The following ZFAND6 variants were observed in gnomAD, a reference collection of about 807,000 sequenced individuals.
ZFAND6 encodes zinc finger AN1-type containing 6.
Under a neutral mutation model 24.5 loss-of-function variants are expected in ZFAND6, and 12 were observed. The ratio of observed to expected loss-of-function variants is 0.49; its 90% CI spans 0.31 to 0.79. The LOEUF (loss-of-function observed/expected upper bound fraction) is 0.79. ZFAND6 is among the 30% of genes least tolerant of loss of function. The pLI is 0.04. For synonymous variants in ZFAND6, 92 were observed against 81.5 expected, an observed-to-expected ratio of 1.13 and a Z score of -0.69; for missense variants, 207 against 245.9, an observed-to-expected ratio of 0.84 and a Z score of 1.06.
chr15:80,137,745 T>G lies in ZFAND6; in HGVS notation c.*117T>G. Reference sequence around the variant, plus strand: ...TGTATCTTGCATGTCATCGGAAGAATAGATTTTTGTTTTGGTTTTGTTTTG... The same window carrying G: ...TGTATCTTGCATGTCATCGGAAGAAGAGATTTTTGTTTTGGTTTTGTTTTG... On this transcript the variant is annotated 3_prime_UTR_variant, in exon 7 of 7. Coordinates refer to ENST00000261749, the MANE Select transcript of ZFAND6 (RefSeq NM_019006.4). The G allele has an allele frequency of 2.6e-6, 3 of 1,140,928 alleles. No individual in the cohort carries two copies. The highest frequency in any genetic ancestry group is 2.2e-5 in the South Asian group (1 of 46,160). 70.7% of individuals were successfully genotyped at this position (1,140,928 alleles called of 1,614,324 possible).
At chr15:80,114,326 AT>A (rs1264484063) in intron 2 of ZFAND6, among the ~76,000 whole-genome samples, 4 of 152,236 alleles carry the variant, frequency 2.6e-5, no homozygotes, top group African/African-American at 4.8e-5. Flanking sequence ...CTCCAAGCCC[AT>A]TCTGTTTACA....
At chr15:80,088,238 A>G (rs1294608579) in intron 1 of ZFAND6, among the ~76,000 whole-genome samples, 2 of 151,550 alleles carry the variant, frequency 1.3e-5, no homozygotes, top group African/African-American at 4.9e-5. Flanking sequence ...ACCCTCTACC[A>G]TTTTTCTGTG....
chr15:80,092,554 T>C (rs1020179439), intron 1 of ZFAND6, among the ~76,000 whole-genome samples: 1 of 152,138 alleles, frequency 6.6e-6, no homozygotes, highest in Non-Finnish European at 1.5e-5. Flanking sequence ...ACGTTTTAAT[T>C]TATTCAAAGT....
intron 1 of ZFAND6, among the ~76,000 whole-genome samples, chr15:80,079,435 T>C (rs1418812973): frequency 6.6e-6 from 1 of 151,936 alleles, no homozygotes; most frequent in Admixed American, 6.6e-5. Context: ...TTAGCCAGGA[T>C]GGTCTCGATC....
intron 1 of ZFAND6, among the ~76,000 whole-genome samples, chr15:80,093,039 C>T (rs569179955): frequency 2.0e-5 from 3 of 151,678 alleles, no homozygotes; most frequent in African/African-American, 7.3e-5. Context: ...ACTGCAACCT[C>T]TGCCTCCTCG....
At chr15:80,106,398 ACTT>A (rs2039327135) in intron 2 of ZFAND6, among the ~76,000 whole-genome samples, 1 of 152,082 alleles carries the variant, frequency 6.6e-6, no homozygotes, top group Non-Finnish European at 1.5e-5. Flanking sequence ...CTATTCATTT[ACTT>A]ATTGTCTGTG....
chr15:80,072,850 AT>A (rs2037055976), intron 1 of ZFAND6, among the ~76,000 whole-genome samples: 1 of 152,018 alleles, frequency 6.6e-6, no homozygotes, highest in East Asian at 1.9e-4. Flanking sequence ...TCCTATCATT[AT>A]TTTTAGTTCA....
intron 1 of ZFAND6, among the ~76,000 whole-genome samples, chr15:80,071,801 A>G (rs2036994242): frequency 6.6e-6 from 1 of 151,948 alleles, no homozygotes. Context: ...ATACCTGAAC[A>G]TGTCATTAGA....
At chr15:80,114,336 C>CAT (rs2039761656) in intron 2 of ZFAND6, among the ~76,000 whole-genome samples, 1 of 152,210 alleles carries the variant, frequency 6.6e-6, no homozygotes, top group Non-Finnish European at 1.5e-5. Context: ...ATTCTGTTTA[C>CAT]ATACAGCATA....
At chr15:80,105,596 A>G (rs1310543315) in intron 2 of ZFAND6, among the ~76,000 whole-genome samples, 1 of 152,202 alleles carries the variant, frequency 6.6e-6, no homozygotes, top group African/African-American at 2.4e-5. Flanking sequence ...TCAAAATTCT[A>G]TGAGTTAGAA....
intron 1 of ZFAND6, among the ~76,000 whole-genome samples, chr15:80,093,143 T>A (rs982393838): frequency 6.6e-6 from 1 of 151,468 alleles, no homozygotes; most frequent in Non-Finnish European, 1.5e-5. Context: ...GTGTGTGTGT[T>A]TTTAGTAGAG....
chr15:80,131,641 T>G (rs978143102), intron 6 of ZFAND6: 1 of 300,982 alleles, frequency 3.3e-6, no homozygotes, highest in Admixed American at 4.7e-5. Flanking sequence ...ATATATAAAA[T>G]AGGGCTAATC....
intron 2 of ZFAND6, among the ~76,000 whole-genome samples, chr15:80,113,171 T>C (rs528706899): frequency 3.9e-5 from 6 of 152,328 alleles, no homozygotes; most frequent in Non-Finnish European, 7.4e-5. Flanking sequence ...AGATAACTTA[T>C]AAGATCAGTC....
At chr15:80,096,708 T>G (rs1360442335) in intron 1 of ZFAND6, among the ~76,000 whole-genome samples, 1 of 152,226 alleles carries the variant, frequency 6.6e-6, no homozygotes, top group Non-Finnish European at 1.5e-5. Context: ...TCATGACATC[T>G]TTAAGTTTTT....
rs570580508 is a variant in ZFAND6 at position 80,060,988 on chromosome 15, C to G, written c.-181+1179C>G. ...ACAGGATTAAATTCCTCTTTCAAAC[C>G]GAAATCGGAATTTGATTTTTTAAAA... On this transcript the variant is annotated intron_variant, in intron 1 of 6. Coordinates refer to ENST00000261749, the MANE Select transcript of ZFAND6 (RefSeq NM_019006.4). Among the ~76,000 whole-genome samples, 37 of 152,164 alleles carry G rather than the reference C, an allele frequency of 2.4e-4. No individual in the cohort carries two copies. The East Asian group carries it at 6.7e-3, about 28-fold the overall frequency.
At chr15:80,063,094 A>G (rs986291931) in intron 1 of ZFAND6, among the ~76,000 whole-genome samples, 1 of 152,178 alleles carries the variant, frequency 6.6e-6, no homozygotes, top group African/African-American at 2.4e-5. Context: ...AATATACCAA[A>G]TAAAATTGAA....
At chr15:80,121,902 T>G in intron 4 of ZFAND6, 82 bp downstream of exon 4, 2 of 1,142,940 alleles carry the variant, frequency 1.7e-6, no homozygotes, top group Non-Finnish European at 2.4e-6. Flanking sequence ...TAAGGAAAAC[T>G]ACGTAAAGCT....
rs376391135 is a variant in ZFAND6, at chr15:80,113,394, A to G, written c.-17-6934A>G. 4.0e-3 allele frequency among the ~76,000 whole-genome samples: 604 copies of G among 152,368 alleles called. 4 individuals are homozygous for G. The highest frequency in any genetic ancestry group is 0.014 in the African/African-American group (587 of 41,588). On this transcript the variant is annotated intron_variant, in intron 2 of 6. Coordinates refer to ENST00000261749, the MANE Select transcript of ZFAND6 (RefSeq NM_019006.4). ...AAAAATAATAGGTACTGGCCAATCAAATATGGCTATGGGTCAGATTTAACT... is the reference window on the plus strand; with the variant it reads ...AAAAATAATAGGTACTGGCCAATCAGATATGGCTATGGGTCAGATTTAACT...
At chr15:80,077,314 CA>C (rs2037339892) in intron 1 of ZFAND6, among the ~76,000 whole-genome samples, 1 of 152,126 alleles carries the variant, frequency 6.6e-6, no homozygotes, top group African/African-American at 2.4e-5. Context: ...ATTCTATCAT[CA>C]AAAAAGTTAA....
Sources: gnomAD v4.1 joint callset for allele counts (sites outside exome capture counted in the v4.1 genomes callset) on GRCh38, gnomAD v4.1.1 for gene constraint, MANE v1.5 for transcripts, NCBI Gene and HGNC (gene_info 2026-07-23, HGNC 2026-07-21) for gene names.